NUP43: variants seen among roughly 807,000 people sequenced by gnomAD.
NUP43 encodes the protein nucleoporin 43, also known as nucleoporin Nup43.
NUP43 carries 32 observed loss-of-function variants against 47.3 expected under a neutral mutation model. The ratio of observed to expected loss-of-function variants is 0.68; its 90% CI spans 0.51 to 0.91. NUP43 has a LOEUF of 0.91. NUP43 is among the 40% of genes least tolerant of loss of function. The probability of loss-of-function intolerance (pLI) is 0.00; values close to 1 mark genes in which losing one functional copy is unlikely to be tolerated. For missense variants in NUP43, 444 were observed against 453.9 expected, an observed-to-expected ratio of 0.98 and a Z score of 0.20; for synonymous variants, 147 against 158.4, an observed-to-expected ratio of 0.93 and a Z score of 0.54.
chr6:149,747,283 C>A (rs1001041383), upstream of NUP43, among the ~76,000 whole-genome samples: 3 of 151,776 alleles, frequency 2.0e-5, no homozygotes, highest in Non-Finnish European at 4.4e-5. Context: ...AAATCAACAC[C>A]ATTTTTTTTC....
At chr6:149,728,367 C>T (rs1169840527) in intron 7 of NUP43, 11 of 984,638 alleles carry the variant, frequency 1.1e-5, no homozygotes, top group African/African-American at 8.7e-5. Context: ...GAAGTAAAAA[C>T]GAAGTACATA....
chr6:149,741,965 T>C (rs1394129817), intron 4 of NUP43, among the ~76,000 whole-genome samples: 2 of 150,716 alleles, frequency 1.3e-5, no homozygotes, highest in African/African-American at 4.9e-5. Context: ...TTCAAGCGAT[T>C]CTCCTGCCTC....
chr6:149,735,651 A>G (rs2115108016), intron 6 of NUP43, among the ~76,000 whole-genome samples: 1 of 149,894 alleles, frequency 6.7e-6, no homozygotes, highest in African/African-American at 2.5e-5. Flanking sequence ...TAAGGATTCT[A>G]ACTACAGTTT....
Position 149,731,701 on chromosome 6 carries a change from T to A in NUP43, c.825A>T (p.Glu275Asp). 6.2e-7 allele frequency: 1 copy of A among 1,613,746 alleles called. No individual in the cohort carries two copies. Among genetic ancestry groups the A allele is most frequent in the South Asian group, 1.1e-5 (1 of 91,078 alleles). Residue 275 changes from glutamate to aspartate, a missense_variant, in exon 7 of 8, where the codon GAA (glutamate) becomes GAT (aspartate). Glu to Asp is a conservative substitution (Grantham distance 45). Coordinates refer to ENST00000340413, the MANE Select transcript of NUP43 (RefSeq NM_198887.3). ...CATCTTCAGAGCAGGTAAAAAGATG[T>A]TCTGGGTTGGATGGGTGAAAGTGAA... ...WEVHFHPSNP[E>D]HLFTCSEDGS...
chr6:149,735,616 A>AAAAAAAC (rs1785290592), intron 6 of NUP43, among the ~76,000 whole-genome samples: 1 of 150,448 alleles, frequency 6.6e-6, no homozygotes, highest in African/African-American at 2.4e-5. Context: ...AAAAAAAAAA[A>AAAAAAAC]AAAACACACA....
chr6:149,734,321 G>A (rs1486845395), intron 6 of NUP43, among the ~76,000 whole-genome samples: 1 of 151,532 alleles, frequency 6.6e-6, no homozygotes, highest in Non-Finnish European at 1.5e-5. Context: ...AACATATTGA[G>A]ACCCTGTCTC....
chr6:149,732,494 C>A (rs1164453889), intron 6 of NUP43, among the ~76,000 whole-genome samples: 1 of 146,360 alleles, frequency 6.8e-6, no homozygotes, highest in East Asian at 2.1e-4. Flanking sequence ...TTGCAATGAG[C>A]CAACATCACA....
At chr6:149,728,446 T>C (rs775049761) in intron 7 of NUP43, 119 of 985,046 alleles carry the variant, frequency 1.2e-4, no homozygotes, top group Non-Finnish European at 1.3e-4. Flanking sequence ...CATGCATGCA[T>C]GCTCCACACA....
In NUP43 at chr6:149,726,497, A is replaced by C. The variant is rs1562371582; in HGVS notation, c.*472T>G. 6.3e-6 allele frequency: 1 copy of C among 159,002 alleles called. No individual in the cohort carries two copies. 9.8% of individuals were successfully genotyped at this position (159,002 alleles called of 1,614,324 possible). On this transcript the variant is annotated 3_prime_UTR_variant, in exon 8 of 8. Transcript: ENST00000340413. ...AAGTTTATTATTATTAAGGAAATAAAGTGTGGAAGGATCATAGGAAATACT... is the reference window on the plus strand; with the variant it reads ...AAGTTTATTATTATTAAGGAAATAACGTGTGGAAGGATCATAGGAAATACT...
At position 149,726,961 on chromosome 6, in the gene NUP43, T is replaced by C. The variant is rs775017306; in HGVS notation, c.*8A>G. 1.5e-5 allele frequency: 24 copies of C among 1,599,290 alleles called. 1 individual carries two copies. Among genetic ancestry groups the C allele is most frequent in the Middle Eastern group, 1.7e-4 (1 of 5,986 alleles). On this transcript the variant is annotated 3_prime_UTR_variant, in exon 8 of 8. Coordinates refer to ENST00000340413, the MANE Select transcript of NUP43 (RefSeq NM_198887.3). ...TGTTCTATCTGAAATCTTATAATTA[T>C]AGTACTTCTACGAAAAAAGATGTCT...
intron 6 of NUP43, 115 bp downstream of exon 6, chr6:149,736,356 T>G (rs752325957): frequency 1.7e-6 from 1 of 602,620 alleles, no homozygotes; most frequent in Non-Finnish European, 2.6e-6. Flanking sequence ...TTTACACAAT[T>G]CAGCCATTAA....
chr6:149,741,926 A>G (rs937581711), intron 4 of NUP43, among the ~76,000 whole-genome samples: 43 of 151,104 alleles, frequency 2.8e-4, no homozygotes, highest in Non-Finnish European at 1.6e-4. Context: ...GAGTGCCATC[A>G]TAGCTCACCA....
upstream of NUP43, among the ~76,000 whole-genome samples, chr6:149,746,996 A>G (rs1226222165): frequency 1.3e-5 from 2 of 152,168 alleles, no homozygotes; most frequent in African/African-American, 2.4e-5. Flanking sequence ...GTTAATACAC[A>G]CTGTCAGAGC....
chr6:149,740,567 T>C (rs2115134737), intron 4 of NUP43, among the ~76,000 whole-genome samples: 1 of 152,222 alleles, frequency 6.6e-6, no homozygotes, highest in East Asian at 1.9e-4. Flanking sequence ...AGGTGGAGGT[T>C]GCAGTGAGCT....
intron 4 of NUP43, among the ~76,000 whole-genome samples, chr6:149,739,541 C>T (rs114680577): frequency 0.02 from 3,049 of 152,262 alleles, 127 homozygotes; most frequent in African/African-American, 0.069. Context: ...CCTCACTCAG[C>T]CTCCCAAAGT....
At chr6:149,737,818 G>A (rs1582972866) in intron 5 of NUP43, among the ~76,000 whole-genome samples, 1 of 152,172 alleles carries the variant, frequency 6.6e-6, no homozygotes, top group African/African-American at 2.4e-5. Context: ...AGCCTCCTGA[G>A]TAGCGGGGTC....
At chr6:149,729,648 C>T (rs1784936548) in intron 7 of NUP43, 24 of 431,800 alleles carry the variant, frequency 5.6e-5, no homozygotes, top group Admixed American at 1.3e-4. Flanking sequence ...CTTTTGTTTT[C>T]CCAGCCCTTC....
chr6:149,728,322 T>C (rs1784881683), intron 7 of NUP43: 1 of 985,124 alleles, frequency 1.0e-6, no homozygotes, highest in Non-Finnish European at 1.2e-6. Context: ...AAAAGTAAAC[T>C]TGCAAGTTCA....
intron 5 of NUP43, among the ~76,000 whole-genome samples, chr6:149,737,498 AAC>A (rs1424406944): frequency 6.6e-6 from 1 of 152,080 alleles, no homozygotes; most frequent in Admixed American, 6.6e-5. Context: ...GCTGGTCTCA[AAC>A]TTCTCACCGC....
Sources: gnomAD v4.1 joint callset for allele counts (sites outside exome capture counted in the v4.1 genomes callset) on GRCh38, gnomAD v4.1.1 for gene constraint, MANE v1.5 for transcripts, NCBI Gene and HGNC (gene_info 2026-07-23, HGNC 2026-07-21) for gene names.